Variants in JPH1 observed in about 807,000 individuals in gnomAD.
JPH1 encodes junctophilin 1, also known as junctophilin-1.
JPH1 carries 12 observed loss-of-function variants against 53.6 expected under a neutral mutation model. The observed-to-expected ratio is 0.22, with a 90% CI of 0.14 to 0.36. JPH1 has a LOEUF of 0.36. Among genes scored for constraint, JPH1 ranks in the 10% least tolerant of loss-of-function variants. The pLI is 1.00. For missense variants in JPH1, 808 were observed against 905.5 expected, an observed-to-expected ratio of 0.89 and a Z score of 1.38; for synonymous variants, 375 against 363.8, an observed-to-expected ratio of 1.03 and a Z score of -0.35.
chr8:74,320,308 C>G lies in JPH1; in HGVS notation c.379+601G>C, dbSNP rs1035740004. Among the ~76,000 whole-genome samples, 1 of 152,276 alleles carries G rather than the reference C, an allele frequency of 6.6e-6. No individual in the cohort carries two copies. Among genetic ancestry groups the G allele is most frequent in the East Asian group, 1.9e-4 (1 of 5,186 alleles). On this transcript the variant is annotated intron_variant, in intron 1 of 5. Transcript: ENST00000342232. This position sits in a 1 kb window ranked among gnomAD's most constrained non-coding sequence, Gnocchi z 4.4. The stretch of plus-strand genomic sequence containing the variant: ...ACCTGCATCAGGTGGCCTTTCTGCT[C>G]CCATAACTAGGACGTTTCCAAATGC...
chr8:74,267,488 G>A (rs999005447), intron 2 of JPH1, among the ~76,000 whole-genome samples: 4 of 152,226 alleles, frequency 2.6e-5, no homozygotes, highest in African/African-American at 9.6e-5. Context: ...TTCTCAGCCT[G>A]ACTGGCTGAT....
At chr8:74,281,922 G>A (rs12334848) in intron 2 of JPH1, among the ~76,000 whole-genome samples, 51,720 of 151,740 alleles carry the variant, frequency 0.34, 9,141 homozygotes, top group South Asian at 0.49. Context: ...GAAAGGCTAC[G>A]CAGAAATGAC....
intron 2 of JPH1, among the ~76,000 whole-genome samples, chr8:74,310,756 T>C (rs1807971043): frequency 6.6e-6 from 1 of 152,198 alleles, no homozygotes; most frequent in Non-Finnish European, 1.5e-5. Flanking sequence ...GAGAATATAA[T>C]TGTTTTCCCT....
At chr8:74,288,950 A>C (rs1807245819) in intron 2 of JPH1, among the ~76,000 whole-genome samples, 2 of 152,160 alleles carry the variant, frequency 1.3e-5, no homozygotes, top group South Asian at 2.1e-4. Flanking sequence ...TAAAAATGAC[A>C]CTCAAACTAT....
intron 3 of JPH1, among the ~76,000 whole-genome samples, chr8:74,246,617 A>T (rs1163692637): frequency 1.3e-5 from 2 of 151,994 alleles, no homozygotes; most frequent in African/African-American, 4.8e-5. Context: ...AAAATCACAT[A>T]GCTCCCATTA....
chr8:74,310,759 T>C (rs1807971131), intron 2 of JPH1, among the ~76,000 whole-genome samples: 1 of 152,184 alleles, frequency 6.6e-6, no homozygotes, highest in Non-Finnish European at 1.5e-5. Context: ...AATATAATTG[T>C]TTTCCCTTAG....
chr8:74,272,600 C>CTTTT (rs765158506), intron 2 of JPH1, among the ~76,000 whole-genome samples: 18 of 112,670 alleles, frequency 1.6e-4, no homozygotes, highest in African/African-American at 2.3e-4. Context: ...ACCCTTAGTT[C>CTTTT]TTTTTTTTTT....
intron 2 of JPH1, among the ~76,000 whole-genome samples, chr8:74,314,424 A>G (rs1222760288): frequency 6.6e-6 from 1 of 152,112 alleles, no homozygotes; most frequent in Non-Finnish European, 1.5e-5. Flanking sequence ...ATCAGAATAA[A>G]GGTACACATC....
intron 2 of JPH1, among the ~76,000 whole-genome samples, chr8:74,294,827 T>C (rs541262927): frequency 1.3e-5 from 2 of 152,360 alleles, no homozygotes; most frequent in Admixed American, 1.3e-4. Flanking sequence ...TTTAAATTTA[T>C]TGACTCTTTA....
At chr8:74,282,423 GT>G (rs1807039581) in intron 2 of JPH1, among the ~76,000 whole-genome samples, 2 of 152,152 alleles carry the variant, frequency 1.3e-5, no homozygotes, top group African/African-American at 4.8e-5. Context: ...AAAGCTTTAA[GT>G]TTTTTTCTGT....
intron 2 of JPH1, among the ~76,000 whole-genome samples, chr8:74,279,433 AG>A (rs1806945102): frequency 6.6e-6 from 1 of 152,162 alleles, no homozygotes; most frequent in African/African-American, 2.4e-5. Context: ...TCCTAAAACC[AG>A]GGCTGCCAGA....
chr8:74,306,431 G>A (rs1445179540), intron 2 of JPH1, among the ~76,000 whole-genome samples: 1 of 152,196 alleles, frequency 6.6e-6, no homozygotes, highest in East Asian at 1.9e-4. Flanking sequence ...CATGGGAAAT[G>A]GACATTCTTT....
chr8:74,309,527 T>C (rs1024703981), intron 2 of JPH1, among the ~76,000 whole-genome samples: 2 of 152,206 alleles, frequency 1.3e-5, no homozygotes, highest in African/African-American at 4.8e-5. Flanking sequence ...TCCACAGAAG[T>C]GGGGCTTTCT....
At chr8:74,295,688 C>T (rs1436624126) in intron 2 of JPH1, among the ~76,000 whole-genome samples, 1 of 152,084 alleles carries the variant, frequency 6.6e-6, no homozygotes, top group African/African-American at 2.4e-5. Context: ...GTCTTTCTGG[C>T]ATTCTTGGCC....
At chr8:74,255,046 T>C (rs1329954913) in intron 3 of JPH1, among the ~76,000 whole-genome samples, 2 of 152,136 alleles carry the variant, frequency 1.3e-5, no homozygotes, top group Non-Finnish European at 2.9e-5. Flanking sequence ...AAAAACTACT[T>C]TCAAGTTCAT....
intron 2 of JPH1, among the ~76,000 whole-genome samples, chr8:74,264,305 T>A (rs1806473758): frequency 6.6e-6 from 1 of 152,172 alleles, no homozygotes; most frequent in African/African-American, 2.4e-5. Flanking sequence ...ATTTTCTCCA[T>A]AAATTCCTTT....
intron 3 of JPH1, among the ~76,000 whole-genome samples, chr8:74,249,047 T>C (rs1380862419): frequency 1.3e-5 from 2 of 152,100 alleles, no homozygotes; most frequent in South Asian, 2.1e-4. Flanking sequence ...TGCCACACAA[T>C]GTGAAAAAAG....
intron 2 of JPH1, among the ~76,000 whole-genome samples, chr8:74,267,395 TG>T (rs1563403564): frequency 6.6e-6 from 1 of 152,200 alleles, no homozygotes; most frequent in Admixed American, 6.5e-5. Flanking sequence ...TCACAGTTCT[TG>T]TTCTTGCATA....
At chr8:74,264,857 T>A (rs1198689788) in intron 2 of JPH1, among the ~76,000 whole-genome samples, 2 of 152,208 alleles carry the variant, frequency 1.3e-5, no homozygotes, top group Non-Finnish European at 2.9e-5. Context: ...ATCTAGGTGA[T>A]ACACTCCTTC....
Sources: gnomAD v4.1 joint callset for allele counts (sites outside exome capture counted in the v4.1 genomes callset) on GRCh38, gnomAD v4.1.1 for gene constraint, Gnocchi (gnomAD v3.1) non-coding constraint, MANE v1.5 for transcripts, NCBI Gene and HGNC (gene_info 2026-07-23, HGNC 2026-07-21) for gene names.